TP73: variants seen among roughly 807,000 people sequenced by gnomAD.
The protein encoded by TP73 is tumor protein p73.
A neutral mutation model predicts 62.5 loss-of-function variants in TP73; 25 were observed. The observed-to-expected ratio is 0.40, with a 90% CI of 0.29 to 0.56. The LOEUF is 0.56. TP73 is among the 20% of genes least tolerant of loss of function. The probability of loss-of-function intolerance (pLI) is 0.46; values close to 1 mark genes in which losing one functional copy is unlikely to be tolerated. For synonymous variants in TP73, 423 were observed against 377.5 expected (o/e 1.12, Z -1.40); for missense variants, 754 against 913.3 (o/e 0.83, Z 2.25).
chr1:3,717,149 G>GGC (rs1333039890), intron 4 of TP73, among the ~76,000 whole-genome samples: 1 of 152,228 alleles, frequency 6.6e-6, no homozygotes, highest in Non-Finnish European at 1.5e-5. Context: ...TCACCTCTCC[G>GGC]CTGTCCTCCT....
rs201857112 is a variant in TP73 at position 3,730,018 on chromosome 1, G to C, written c.1215G>C (p.Pro405=). 1 of 1,605,712 alleles carries C rather than the reference G, an allele frequency of 6.2e-7. No individual in the cohort carries two copies. Among genetic ancestry groups the C allele is most frequent in the Non-Finnish European group, 8.5e-7 (1 of 1,174,836 alleles). The change falls in exon 11 of 14, where the codon CCG becomes CCC. Residue 405 remains proline (P), a synonymous_variant. Transcript: ENST00000378295. ...TGAGCAGGAGTCACCTACAGCCCCC[G>C]TCCTACGGGCCGGTCCTCTCGCCCA... ...LLQRPSHLQP[P]SYGPVLSPMN...
At chr1:3,722,566 C>A (rs922295814) in intron 5 of TP73, among the ~76,000 whole-genome samples, 1 of 152,218 alleles carries the variant, frequency 6.6e-6, no homozygotes, top group Non-Finnish European at 1.5e-5. Context: ...GGGCAGGCAC[C>A]CCCAGAGCAC....
In TP73 at chr1:3,662,855, C is replaced by T. The variant is rs1415761796; in HGVS notation, c.-34+10214C>T. Among the ~76,000 whole-genome samples, 1 of 152,178 alleles carries T rather than the reference C, an allele frequency of 6.6e-6. No homozygotes were observed. Among genetic ancestry groups the T allele is most frequent in the African/African-American group, 2.4e-5 (1 of 41,444 alleles). On this transcript the variant is annotated intron_variant, in intron 1 of 13. Coordinates refer to ENST00000378295, the MANE Select transcript of TP73 (RefSeq NM_005427.4). The surrounding 1 kb of genome is among the most constrained non-coding windows in gnomAD (Gnocchi z 4.4). ...CTGGCTGGGGAGCGCAGGGAGGGGT[C>T]CCCAGTGTGAGGACAGCATGGGGCT... is the stretch of plus-strand genomic sequence containing the variant.
chr1:3,661,723 T>C (rs1644990995), intron 1 of TP73, among the ~76,000 whole-genome samples: 1 of 5,448 alleles, frequency 1.8e-4, no homozygotes, highest in Admixed American at 9.7e-4. Context: ...GTATTTTGTG[T>C]ATATATATAT....
chr1:3,714,847 T>A (rs868316013), intron 4 of TP73, among the ~76,000 whole-genome samples: 2 of 152,280 alleles, frequency 1.3e-5, no homozygotes, highest in South Asian at 4.1e-4. Flanking sequence ...ACCCCCTCTG[T>A]CCCCAAGGCC....
chr1:3,698,329 G>A, intron 3 of TP73, among the ~76,000 whole-genome samples: 1 of 152,220 alleles, frequency 6.6e-6, no homozygotes. Flanking sequence ...TGGGTGGGAG[G>A]GCCTGGACCA....
chr1:3,734,393 A>G lies in TP73; in HGVS notation c.*1314A>G, dbSNP rs1642347284. The G allele has an allele frequency of 6.6e-6, 1 of 152,146 alleles. No individual in the cohort carries two copies. Among genetic ancestry groups the G allele is most frequent in the South Asian group, 2.1e-4 (1 of 4,826 alleles). 9.4% of individuals were successfully genotyped at this position (152,146 alleles called of 1,614,324 possible). ...GCACAGCTTCAGGGCAGGGAACCGG[A>G]GCCCCTGGGGGGCCTCACGGGTGTG... is the stretch of plus-strand genomic sequence containing the variant. On this transcript the variant is annotated 3_prime_UTR_variant, in exon 14 of 14. Transcript: ENST00000378295. The surrounding 1 kb of genome is among the most constrained non-coding windows in gnomAD (Gnocchi z 4.4).
At chr1:3,689,613 G>A (rs768406212) in intron 3 of TP73, among the ~76,000 whole-genome samples, 77 of 152,258 alleles carry the variant, frequency 5.1e-4, no homozygotes, top group Non-Finnish European at 9.0e-4. Context: ...GGGGAGCGAT[G>A]AGGCCCCTGC....
chr1:3,652,634 G>C lies in TP73; in HGVS notation c.-41G>C, dbSNP rs973421348. 1 of 152,130 alleles carries C rather than the reference G, an allele frequency of 6.6e-6. No individual in the cohort carries two copies. Among genetic ancestry groups the C allele is most frequent in the Non-Finnish European group, 1.5e-5 (1 of 68,048 alleles). The allele number at this position is 152,130 out of a possible 1,614,324, so 9.4% of individuals were successfully genotyped here. ...GGACGCCGATGCCCGGGGCTGCGAC[G>C]GCTGCAGGTAGGAGGCCCAGGGCCG... is the stretch of plus-strand genomic sequence containing the variant. On this transcript the variant is annotated 5_prime_UTR_variant, in exon 1 of 14. Coordinates refer to ENST00000378295, the MANE Select transcript of TP73 (RefSeq NM_005427.4).
At chr1:3,667,397 A>C (rs1426556728) in intron 1 of TP73, among the ~76,000 whole-genome samples, 1 of 152,260 alleles carries the variant, frequency 6.6e-6, no homozygotes, top group African/African-American at 2.4e-5. Flanking sequence ...TACGGCAGCC[A>C]CAGAAAACAG....
chr1:3,684,696 G>T (rs934762575), intron 3 of TP73, among the ~76,000 whole-genome samples: 15 of 152,242 alleles, frequency 9.9e-5, no homozygotes, highest in Admixed American at 3.3e-4. Context: ...AGTCCCGGGG[G>T]GTCAATTCCT....
rs1174268280 is a variant in TP73 at position 3,727,690 on chromosome 1, G to A, written c.905G>A (p.Arg302Gln). Reference protein sequence around the residue: ...GRICACPGRDRKADEDHYREQ... With the variant: ...GRICACPGRDQKADEDHYREQ... ...ATCTGCGCCTGTCCTGGCCGCGACC[G>A]AAAAGCTGATGAGGACCACTACCGG... The change falls in exon 8 of 14, where the codon CGA (arginine) becomes CAA (glutamine). Residue 302 changes from arginine to glutamine, a missense_variant. By Grantham distance (43) the Arg-to-Gln change is conservative. Coordinates refer to ENST00000378295, the MANE Select transcript of TP73 (RefSeq NM_005427.4). 2.5e-6 allele frequency: 4 copies of A among 1,591,080 alleles called. No homozygotes were observed. The highest frequency in any genetic ancestry group is 2.3e-5 in the East Asian group (1 of 44,068).
At chr1:3,726,395 G>GCGGATGGA (rs145686205) in intron 6 of TP73, among the ~76,000 whole-genome samples, 3,136 of 91,146 alleles carry the variant, frequency 0.034, 180 homozygotes, top group East Asian at 0.2. Flanking sequence ...AAATGGGGGA[G>GCGGATGGA]TGGATGGATG....
At position 3,734,247 on chromosome 1, in the gene TP73, G is replaced by A. The variant is rs1199667392; in HGVS notation, c.*1168G>A. The A allele has an allele frequency of 6.6e-6, 1 of 152,296 alleles. No homozygotes were observed. Among genetic ancestry groups the A allele is most frequent in the Non-Finnish European group, 1.5e-5 (1 of 68,156 alleles). The allele number at this position is 152,296 out of a possible 1,614,324, so 9.4% of individuals were successfully genotyped here. Reference sequence around the variant, plus strand: ...GGTGTAGGGGGGTCTAGGCCTTCGTGGAGCACCCCAGGGAGTTAGTAGGCC... The same window carrying A: ...GGTGTAGGGGGGTCTAGGCCTTCGTAGAGCACCCCAGGGAGTTAGTAGGCC... On this transcript the variant is annotated 3_prime_UTR_variant, in exon 14 of 14. Coordinates refer to ENST00000378295, the MANE Select transcript of TP73 (RefSeq NM_005427.4). This position sits in a 1 kb window ranked among gnomAD's most constrained non-coding sequence, Gnocchi z 4.4.
chr1:3,689,789 C>T (rs1045261968), intron 3 of TP73, among the ~76,000 whole-genome samples: 2 of 152,152 alleles, frequency 1.3e-5, no homozygotes, highest in Admixed American at 1.3e-4. Context: ...TCGTGAGAGC[C>T]ACGGCGCCCT....
intron 4 of TP73, among the ~76,000 whole-genome samples, chr1:3,718,367 A>G (rs893003274): frequency 6.6e-5 from 10 of 152,186 alleles, no homozygotes; most frequent in African/African-American, 2.2e-4. Context: ...CCCACCACGC[A>G]GCTTCCAGAG....
chr1:3,732,875 C>T lies in TP73; in HGVS notation c.1707C>T (p.Ile569=), dbSNP rs769910888. ...TCCGCTCTAGCAACGCGGCCACCAT[C>T]TCCATCGGCGGCTCAGGGGAACTGC... The part of the protein sequence containing the change: ...QLLRSSNAAT[I]SIGGSGELQR... The change falls in exon 14 of 14, where the codon ATC becomes ATT. Residue 569 remains isoleucine, a synonymous_variant. Transcript: ENST00000378295. 3.1e-6 allele frequency: 5 copies of T among 1,611,916 alleles called. No individual in the cohort carries two copies. Among genetic ancestry groups the T allele is most frequent in the East Asian group, 2.2e-5 (1 of 44,874 alleles).
At position 3,683,105 on chromosome 1, in the gene TP73, G is replaced by C; in HGVS notation, c.111G>C (p.Gly37=). Residue 37 remains glycine (G), a synonymous_variant, in exon 3 of 14, where the codon GGG becomes GGC. Coordinates refer to ENST00000378295, the MANE Select transcript of TP73 (RefSeq NM_005427.4). ...TCGACCTTCCCCAGTCAAGCCGGGGGAATAATGAGGTGGTGGGCGGAACGG... is the reference window on the plus strand; with the variant it reads ...TCGACCTTCCCCAGTCAAGCCGGGGCAATAATGAGGTGGTGGGCGGAACGG... ...TYFDLPQSSR[G]NNEVVGGTDS... 1 of 1,612,516 alleles carries C rather than the reference G, an allele frequency of 6.2e-7. No individual in the cohort carries two copies. Among genetic ancestry groups the C allele is most frequent in the Non-Finnish European group, 8.5e-7 (1 of 1,178,908 alleles).
intron 5 of TP73, among the ~76,000 whole-genome samples, chr1:3,722,961 T>G (rs1283772230): frequency 7.0e-6 from 1 of 142,690 alleles, no homozygotes. Flanking sequence ...TCTCTGTGCC[T>G]GGCACAGGGC....
Sources: gnomAD v4.1 joint callset for allele counts (sites outside exome capture counted in the v4.1 genomes callset) on GRCh38, gnomAD v4.1.1 for gene constraint, Gnocchi (gnomAD v3.1) non-coding constraint, MANE v1.5 for transcripts, NCBI Gene and HGNC (gene_info 2026-07-23, HGNC 2026-07-21) for gene names.